GALNT14: variants seen among roughly 807,000 people sequenced by gnomAD.
GALNT14 encodes the protein UDP-GalNAc:polypeptide N-acetylgalactosaminyltransferase 14.
In GALNT14, 60 loss-of-function variants were observed where a neutral mutation model predicts 77.5. The observed-to-expected ratio is 0.77, with a 90% confidence interval of 0.63 to 0.96. The LOEUF (loss-of-function observed/expected upper bound fraction) is 0.96. GALNT14 is among the 40% of genes least tolerant of loss of function. The pLI is 0.00. For missense variants in GALNT14, 710 were observed against 731.0 expected (o/e 0.97, Z 0.33); for synonymous variants, 280 against 281.7 (o/e 0.99, Z 0.06).
chr2:31,017,686 GAGAAGGCCT>G (rs890327301), intron 1 of GALNT14, among the ~76,000 whole-genome samples: 3 of 152,096 alleles, frequency 2.0e-5, no homozygotes, highest in African/African-American at 7.2e-5. Context: ...GAGACCACCT[GAGAAGGCCT>G]AGAAAGCCCA....
intron 1 of GALNT14, among the ~76,000 whole-genome samples, chr2:31,012,888 A>G (rs1366426772): frequency 6.6e-6 from 1 of 152,278 alleles, no homozygotes; most frequent in Non-Finnish European, 1.5e-5. Context: ...GAATAGCTTA[A>G]AAGCATGAAT....
At chr2:30,916,072 A>C (rs1177163696) in intron 13 of GALNT14, among the ~76,000 whole-genome samples, 1 of 152,164 alleles carries the variant, frequency 6.6e-6, no homozygotes. Context: ...TTAGCAGGAG[A>C]CAAGATAAGA....
chr2:31,122,657 A>T (rs1206542787), intron 1 of GALNT14, among the ~76,000 whole-genome samples: 2 of 152,234 alleles, frequency 1.3e-5, no homozygotes, highest in African/African-American at 4.8e-5. Flanking sequence ...ACACTGAGAA[A>T]CAAAACATCA....
chr2:31,044,407 C>A (rs1052006693), intron 1 of GALNT14, among the ~76,000 whole-genome samples: 4 of 152,232 alleles, frequency 2.6e-5, no homozygotes, highest in South Asian at 2.1e-4. Context: ...CATTTACTGA[C>A]ACCACCACCA....
At chr2:30,999,046 T>C (rs1034387884) in intron 1 of GALNT14, among the ~76,000 whole-genome samples, 2 of 152,068 alleles carry the variant, frequency 1.3e-5, no homozygotes, top group Admixed American at 1.3e-4. Flanking sequence ...AAAAAGGAGG[T>C]ATTCTGCAGC....
intron 1 of GALNT14, among the ~76,000 whole-genome samples, chr2:31,027,953 G>C (rs1337560576): frequency 1.4e-5 from 2 of 142,398 alleles, no homozygotes; most frequent in Admixed American, 1.5e-4. Context: ...GGGTAGGGGA[G>C]CCTTCATCAG....
rs535568024 is a variant in GALNT14 at position 30,964,132 on chromosome 2, G to A, written c.398+2072C>T. 6.6e-5 allele frequency among the ~76,000 whole-genome samples: 10 copies of A among 152,332 alleles called. No homozygotes were observed. The South Asian group carries it at 2.1e-3, about 32-fold the overall frequency. ...CATCAGAGAGCTTCTTGCAGGATGG[G>A]CAGGGAGAGGCCAGCCTGGAAAGCG... is the stretch of plus-strand genomic sequence containing the variant. On this transcript the variant is annotated intron_variant, in intron 3 of 14. Transcript: ENST00000349752.
chr2:31,137,716 G>A (rs900352984), intron 1 of GALNT14, among the ~76,000 whole-genome samples: 1 of 152,124 alleles, frequency 6.6e-6, no homozygotes, highest in East Asian at 1.9e-4. Flanking sequence ...GCCCCGCTCC[G>A]CAGGCGAGCG....
intron 3 of GALNT14, among the ~76,000 whole-genome samples, chr2:30,960,217 A>G (rs765640999): frequency 6.6e-6 from 1 of 152,156 alleles, no homozygotes; most frequent in Non-Finnish European, 1.5e-5. Context: ...GTTCACCATG[A>G]TCGTCCCAAA....
intron 1 of GALNT14, among the ~76,000 whole-genome samples, chr2:31,066,420 G>C (rs1036139635): frequency 2.0e-5 from 3 of 150,648 alleles, no homozygotes; most frequent in East Asian, 2.0e-4. Flanking sequence ...GGCGGGGGGC[G>C]GGGGGGTGGT....
At position 31,000,680 on chromosome 2, in the gene GALNT14, C is replaced by T. The variant is rs543783987; in HGVS notation, c.130-7673G>A. Among the ~76,000 whole-genome samples, 5 of 152,286 alleles carry T rather than the reference C, an allele frequency of 3.3e-5. No individual in the cohort carries two copies. In the East Asian group the frequency reaches 7.7e-4, roughly 24 times the overall value. ...AGTTTTGTTCTTTTAAGACCTTCAA[C>T]TGATCGGATGAGGCCTACGTACATT... On this transcript the variant is annotated intron_variant, in intron 1 of 14. Transcript: ENST00000349752.
intron 1 of GALNT14, among the ~76,000 whole-genome samples, chr2:31,122,207 A>C (rs1451191672): frequency 6.6e-6 from 1 of 152,218 alleles, no homozygotes; most frequent in South Asian, 2.1e-4. Context: ...TCCGGGTACC[A>C]CAGGGAAGCC....
chr2:30,968,991 G>C (rs1668181783), intron 2 of GALNT14, among the ~76,000 whole-genome samples: 1 of 152,156 alleles, frequency 6.6e-6, no homozygotes, highest in African/African-American at 2.4e-5. Context: ...TAGCTGGCAG[G>C]TGGCAGGTCT....
intron 1 of GALNT14, among the ~76,000 whole-genome samples, chr2:31,102,933 A>G (rs944938392): frequency 1.3e-5 from 2 of 151,868 alleles, no homozygotes; most frequent in Non-Finnish European, 2.9e-5. Context: ...TACTTTTTAT[A>G]TCTCTATTTT....
At chr2:30,899,110 C>G in the GALNT14 span, among the ~76,000 whole-genome samples, 986 of 152,336 alleles carry the variant, frequency 6.5e-3, 19 homozygotes, top group African/African-American at 0.023. Flanking sequence ...AGAGCTTCAT[C>G]TCTCTGTTGA....
chr2:30,901,060 T>C, the GALNT14 span, among the ~76,000 whole-genome samples: 9 of 152,164 alleles, frequency 5.9e-5, no homozygotes, highest in Non-Finnish European at 1.3e-4. Context: ...TCACTCACAG[T>C]GTGGAAACAA....
chr2:31,072,157 G>A (rs1017128115), intron 1 of GALNT14, among the ~76,000 whole-genome samples: 1 of 152,114 alleles, frequency 6.6e-6, no homozygotes, highest in African/African-American at 2.4e-5. Context: ...TCCCTCTGCT[G>A]TGGGGTGCAG....
At chr2:30,984,080 C>T (rs1251444396) in intron 2 of GALNT14, among the ~76,000 whole-genome samples, 1 of 152,184 alleles carries the variant, frequency 6.6e-6, no homozygotes, top group Non-Finnish European at 1.5e-5. Flanking sequence ...AGTCTGGAAA[C>T]CCAGCAGTGA....
intron 1 of GALNT14, among the ~76,000 whole-genome samples, chr2:31,099,436 A>C (rs1260386000): frequency 6.6e-6 from 1 of 151,694 alleles, no homozygotes. Context: ...TTATTTACTC[A>C]GTTATATCAG....
Sources: gnomAD v4.1 joint callset for allele counts (sites outside exome capture counted in the v4.1 genomes callset) on GRCh38, gnomAD v4.1.1 for gene constraint, MANE v1.5 for transcripts, NCBI Gene and HGNC (gene_info 2026-07-23, HGNC 2026-07-21) for gene names.